Variants in MIGA1 observed in about 807,000 individuals in gnomAD.
MIGA1 encodes the protein mitoguardin 1.
MIGA1 carries 58 observed loss-of-function variants against 82.0 expected under a neutral mutation model. The ratio of observed to expected loss-of-function variants is 0.71; its 90% CI spans 0.57 to 0.88. The LOEUF is 0.88. Ranked by LOEUF, MIGA1 falls within the 40% of genes least tolerant of loss-of-function variation. The probability of loss-of-function intolerance (pLI) is 0.00; values close to 1 mark genes in which losing one functional copy is unlikely to be tolerated. For synonymous variants in MIGA1, 249 were observed against 253.6 expected, an observed-to-expected ratio of 0.98 and a Z score of 0.17; for missense variants, 751 against 749.1, an observed-to-expected ratio of 1.00 and a Z score of -0.03.
At chr1:77,853,707 C>T (rs940241221) in intron 8 of MIGA1, 17 of 288,032 alleles carry the variant, frequency 5.9e-5, no homozygotes, top group Non-Finnish European at 1.0e-4. Context: ...AACAAACAAA[C>T]AACACACACA....
chr1:77,838,123 C>A (rs1167559516), intron 7 of MIGA1, among the ~76,000 whole-genome samples: 1 of 152,140 alleles, frequency 6.6e-6, no homozygotes, highest in African/African-American at 2.4e-5. Flanking sequence ...ATATTGCTTT[C>A]TTTTCTTTCC....
At chr1:77,779,939 A>G in intron 1 of MIGA1, 2 of 1,373,564 alleles carry the variant, frequency 1.5e-6, no homozygotes, top group Non-Finnish European at 1.9e-6. Context: ...ACCTCGTCTC[A>G]TCTCAGAAGC....
chr1:77,859,639 G>A (rs1416633112), intron 10 of MIGA1: 3 of 435,218 alleles, frequency 6.9e-6, no homozygotes, highest in African/African-American at 5.9e-5. Flanking sequence ...TACTTCAGGA[G>A]TGTAAAAATG....
intron 14 of MIGA1, among the ~76,000 whole-genome samples, chr1:77,868,944 T>A (rs1166710): frequency 0.25 from 33,978 of 136,472 alleles, 4,118 homozygotes; most frequent in East Asian, 0.46. Flanking sequence ...TTATTTATTT[T>A]TTTTTTTTAT....
chr1:77,869,333 T>C (rs1171298634), intron 14 of MIGA1, among the ~76,000 whole-genome samples: 1 of 144,678 alleles, frequency 6.9e-6, no homozygotes, highest in Non-Finnish European at 1.5e-5. Flanking sequence ...AAGTCTCCCA[T>C]GTCTACTTCT....
In MIGA1 at chr1:77,813,868, G is replaced by A; in HGVS notation, c.771+1G>A. The A allele has an allele frequency of 6.2e-7, 1 of 1,613,112 alleles. No individual in the cohort carries two copies. The highest frequency in any genetic ancestry group is 8.5e-7 in the Non-Finnish European group (1 of 1,179,798). Reference sequence around the variant, plus strand: ...TGCCATTGCTGAAGAAAATGTAGATGTAAGGGTGATTGATTTGAGTGGTCT... The same window carrying A: ...TGCCATTGCTGAAGAAAATGTAGATATAAGGGTGATTGATTTGAGTGGTCT... On this transcript the variant is annotated splice_donor_variant, in intron 6 of 15. Coordinates refer to ENST00000370791, the MANE Select transcript of MIGA1 (RefSeq NM_198549.4). LOFTEE classifies it high-confidence loss of function.
At chr1:77,831,322 A>T (rs141897075) in intron 7 of MIGA1, among the ~76,000 whole-genome samples, 2 of 152,206 alleles carry the variant, frequency 1.3e-5, no homozygotes, top group African/African-American at 4.8e-5. Context: ...ATAAACAAGT[A>T]ATTTTGTAAG....
intron 8 of MIGA1, chr1:77,853,222 CA>C (rs1001307659): frequency 6.6e-6 from 1 of 152,140 alleles, no homozygotes; most frequent in African/African-American, 2.4e-5. Context: ...ATTCAGAGAA[CA>C]TTGAATCAAG....
At chr1:77,847,517 G>A (rs1684889758) in intron 8 of MIGA1, 1 of 1,440,974 alleles carries the variant, frequency 6.9e-7, no homozygotes, top group Non-Finnish European at 9.8e-7. Flanking sequence ...AGGAAATACA[G>A]AGAGAAAGAG....
chr1:77,800,944 C>T (rs1682857244), intron 2 of MIGA1, among the ~76,000 whole-genome samples: 1 of 152,008 alleles, frequency 6.6e-6, no homozygotes, highest in African/African-American at 2.4e-5. Context: ...CTTCTATTTC[C>T]TCAGATTTCC....
chr1:77,835,837 A>G (rs1374633276), intron 7 of MIGA1, among the ~76,000 whole-genome samples: 1 of 152,174 alleles, frequency 6.6e-6, no homozygotes, highest in Non-Finnish European at 1.5e-5. Flanking sequence ...AATTCCGGCT[A>G]CTTGGGAGGC....
chr1:77,847,098 T>G, intron 8 of MIGA1: 1 of 825,988 alleles, frequency 1.2e-6, no homozygotes, highest in South Asian at 1.3e-5. Context: ...TCAGTAGATA[T>G]GGGAACAAGA....
intron 3 of MIGA1, among the ~76,000 whole-genome samples, chr1:77,801,808 T>C (rs1297160679): frequency 6.6e-6 from 1 of 152,228 alleles, no homozygotes; most frequent in Non-Finnish European, 1.5e-5. Context: ...AAATTATTTA[T>C]GTATTTTAAG....
intron 2 of MIGA1, among the ~76,000 whole-genome samples, chr1:77,793,875 C>T (rs988853909): frequency 6.6e-6 from 1 of 151,046 alleles, no homozygotes; most frequent in East Asian, 1.9e-4. Context: ...CAACCTCTAC[C>T]TCCTGGGTTC....
At chr1:77,807,831 T>G (rs1248149068) in intron 5 of MIGA1, among the ~76,000 whole-genome samples, 1 of 151,880 alleles carries the variant, frequency 6.6e-6, no homozygotes, top group African/African-American at 2.4e-5. Context: ...CCTCTCTCTC[T>G]TTTTTTTGAG....
chr1:77,811,113 G>A, intron 5 of MIGA1: 2 of 1,584,708 alleles, frequency 1.3e-6, no homozygotes, highest in Non-Finnish European at 1.7e-6. Flanking sequence ...GGAGCTCAAT[G>A]TCCACATTAA....
intron 7 of MIGA1, among the ~76,000 whole-genome samples, chr1:77,841,896 T>C: frequency 6.7e-6 from 1 of 148,328 alleles, no homozygotes; most frequent in East Asian, 2.0e-4. Context: ...ACTCCTGGAG[T>C]CAAGCAGTTT....
At position 77,872,863 on chromosome 1, in the gene MIGA1, G is replaced by C. The variant is rs1646858864; in HGVS notation, c.1564-141G>C. On this transcript the variant is annotated intron_variant, in intron 14 of 15. Coordinates refer to ENST00000370791, the MANE Select transcript of MIGA1 (RefSeq NM_198549.4). The stretch of plus-strand genomic sequence containing the variant: ...TTGCTTGAGGCCAGGAGTTTGAGGT[G>C]TTGCTAGACTCTGGTTCTAAAAAAC... 8 of 966,300 alleles carry C rather than the reference G, an allele frequency of 8.3e-6. No homozygotes were observed. The East Asian group carries it at 1.9e-4, about 23-fold the overall frequency. The allele number at this position is 966,300 out of a possible 1,614,324, so 59.9% of individuals were successfully genotyped here.
At chr1:77,779,859 G>C in intron 1 of MIGA1, 123 bp downstream of exon 1, 2 of 1,432,104 alleles carry the variant, frequency 1.4e-6, no homozygotes, top group Non-Finnish European at 9.1e-7. Context: ...GCTGGCGTTA[G>C]CTCTCGGAGT....
Sources: allele counts gnomAD v4.1 joint callset (sites outside exome capture counted in the v4.1 genomes callset), GRCh38; gene constraint gnomAD v4.1.1; transcripts MANE v1.5; gene names NCBI Gene and HGNC (gene_info 2026-07-23, HGNC 2026-07-21).